Variants in CENPF observed in about 807,000 individuals in gnomAD.
CENPF encodes AH antigen.
In CENPF, 214 loss-of-function variants were observed where a neutral mutation model predicts 307.3. The observed-to-expected ratio is 0.70, with a 90% CI of 0.62 to 0.78. The LOEUF is 0.78. Among genes scored for constraint, CENPF ranks in the 30% least tolerant of loss-of-function variants. The probability of loss-of-function intolerance (pLI) is 0.00; values close to 1 mark genes in which losing one functional copy is unlikely to be tolerated. For missense variants in CENPF, 3,401 were observed against 3,483.9 expected (o/e 0.98, Z 0.60); for synonymous variants, 1,259 against 1,270.6 (o/e 0.99, Z 0.19).
chr1:214,640,145 G>A lies in CENPF; in HGVS notation c.1807G>A (p.Glu603Lys), dbSNP rs767695245. ...GTCCAAAGCCTTGCTGAGTGCTTTA[G>A]AGTTAAAAAAGAAAGAATATGAAGA... ...KESKALLSALELKKKEYEELK... is the reference protein window; with the variant it reads ...KESKALLSALKLKKKEYEELK... Residue 603 changes from glutamate (E) to lysine (K), a missense_variant, in exon 12 of 20, where the codon GAG becomes AAG. Glu to Lys is a moderately conservative substitution (Grantham distance 56, BLOSUM62 1). Coordinates refer to ENST00000366955, the MANE Select transcript of CENPF (RefSeq NM_016343.4). The A allele has an allele frequency of 6.3e-7, 1 of 1,585,048 alleles. No homozygotes were observed. The highest frequency in any genetic ancestry group is 1.4e-5 in the African/African-American group (1 of 72,790).
In CENPF at chr1:214,657,131, A is replaced by G; in HGVS notation, c.8684A>G (p.Gln2895Arg). The change falls in exon 18 of 20, where the codon CAA (glutamine) becomes CGA (arginine). Residue 2895 changes from glutamine (Q) to arginine (R), a missense_variant. Coordinates refer to ENST00000366955, the MANE Select transcript of CENPF (RefSeq NM_016343.4). ...CATCTGTGTTCACAGCAATCTAAAC[A>G]AGATTCCCGAGGGTCTCCTTTGCTA... The part of the protein sequence containing the change: ...VAHLCSQQSK[Q>R]DSRGSPLLGP... The G allele has an allele frequency of 6.2e-7, 1 of 1,614,208 alleles. No homozygotes were observed. The highest frequency in any genetic ancestry group is 8.5e-7 in the Non-Finnish European group (1 of 1,180,024).
intron 9 of CENPF, 124 bp downstream of exon 9, chr1:214,630,786 A>C: frequency 8.3e-7 from 1 of 1,212,014 alleles, no homozygotes; most frequent in Non-Finnish European, 1.1e-6. Context: ...CACTTTCCCT[A>C]TCAAAGTGGA....
At chr1:214,607,906 G>C (rs1319271712) in intron 1 of CENPF, among the ~76,000 whole-genome samples, 1 of 152,190 alleles carries the variant, frequency 6.6e-6, no homozygotes, top group African/African-American at 2.4e-5. Flanking sequence ...CAGGCCTCGG[G>C]ACCTGGATGC....
Position 214,663,715 on chromosome 1 carries a change from G to T in CENPF, c.9266G>T (p.Arg3089Met), listed in dbSNP as rs1658845352. ...SPTDSPREGL[R>M]VKRGRLVPSP... ...ACTGACAGCCCCAGAGAGGGCCTGAGGGTCAAGCGAGGCCGACTTGTCCCC... is the reference window on the plus strand; with the variant it reads ...ACTGACAGCCCCAGAGAGGGCCTGATGGTCAAGCGAGGCCGACTTGTCCCC... The change falls in exon 20 of 20, where the codon AGG (arginine) becomes ATG (methionine). Residue 3089 changes from arginine (R) to methionine (M), a missense_variant. Transcript: ENST00000366955. 1.9e-6 allele frequency: 3 copies of T among 1,613,970 alleles called. No individual in the cohort carries two copies. The highest frequency in any genetic ancestry group is 2.5e-6 in the Non-Finnish European group (3 of 1,180,022).
chr1:214,645,556 A>G lies in CENPF; in HGVS notation c.5986A>G (p.Ser1996Gly), dbSNP rs1420651187. The G allele has an allele frequency of 4.3e-6, 7 of 1,614,050 alleles. No individual in the cohort carries two copies. The highest frequency in any genetic ancestry group is 5.9e-6 in the Non-Finnish European group (7 of 1,180,034). ...EKTQELESHQ[S>G]ECLHCIQVAE... is the part of the protein sequence containing the mutation. ...AACACAAGAGCTTGAGTCTCATCAAAGTGAGTGTCTCCATTGCATTCAGGT... is the reference window on the plus strand; with the variant it reads ...AACACAAGAGCTTGAGTCTCATCAAGGTGAGTGTCTCCATTGCATTCAGGT... Residue 1996 changes from serine (S) to glycine (G), a missense_variant, in exon 13 of 20, where the codon AGT (serine) becomes GGT (glycine). Ser to Gly is a moderately conservative substitution (Grantham distance 56). Coordinates refer to ENST00000366955, the MANE Select transcript of CENPF (RefSeq NM_016343.4).
Position 214,640,095 on chromosome 1 carries a change from A to G in CENPF, c.1757A>G (p.Asp586Gly). Residue 586 changes from aspartate (D) to glycine (G), a missense_variant, in exon 12 of 20, where the codon GAT becomes GGT. Asp to Gly is a moderately conservative substitution (Grantham distance 94). Transcript: ENST00000366955. ...KREHHIEQLNDKLSKTEKESK... is the reference protein window; with the variant it reads ...KREHHIEQLNGKLSKTEKESK... The stretch of plus-strand genomic sequence containing the variant: ...GAACATCACATTGAACAACTTAATG[A>G]TAAGTTAAGCAAGACAGAGAAAGAG... The G allele has an allele frequency of 1.3e-6, 2 of 1,592,990 alleles. No homozygotes were observed. Among genetic ancestry groups the G allele is most frequent in the Non-Finnish European group, 1.7e-6 (2 of 1,174,736 alleles).
rs1348762851 is a variant in CENPF, at chr1:214,659,625, TG to T, written c.9141+598del. Among the ~76,000 whole-genome samples, 1 of 152,224 alleles carries T rather than the reference TG, an allele frequency of 6.6e-6. No individual in the cohort carries two copies. The highest frequency in any genetic ancestry group is 1.5e-5 in the Non-Finnish European group (1 of 68,032). On this transcript the variant is annotated intron_variant, in intron 19 of 19. Coordinates refer to ENST00000366955, the MANE Select transcript of CENPF (RefSeq NM_016343.4). This position sits in a 1 kb window ranked among gnomAD's most constrained non-coding sequence, Gnocchi z 4.4. ...TATTTGCTTAACAGATCTTTATTCC[TG>T]TTACTATGATCCATACCAGCAGCTG...
rs78380413 is a variant in CENPF at position 214,630,416 on chromosome 1, A to G, written c.1195-118A>G. On this transcript the variant is annotated intron_variant, in intron 8 of 19. Transcript: ENST00000366955. ...TCATCGTTAAGTGGACAGTTGGCTC[A>G]GCTCCCTGCTGTCTCCTGTGCTCTC... 2.5e-4 allele frequency: 316 copies of G among 1,242,074 alleles called. 4 individuals are homozygous for G. The African/African-American group carries it at 4.5e-3, about 18-fold the overall frequency. 76.9% of individuals were successfully genotyped at this position (1,242,074 alleles called of 1,614,324 possible).
Position 214,618,504 on chromosome 1 carries a change from G to T in CENPF, c.360-69G>T, listed in dbSNP as rs994334960. 3 of 1,542,804 alleles carry T rather than the reference G, an allele frequency of 1.9e-6. No homozygotes were observed. In the East Asian group the frequency reaches 6.8e-5, roughly 35 times the overall value. ...TGTAAGTTTATTACTCTCTGGGAAT[G>T]TAAGGCATTGATATTCTGTAGCCTT... On this transcript the variant is annotated intron_variant, in intron 3 of 19. Coordinates refer to ENST00000366955, the MANE Select transcript of CENPF (RefSeq NM_016343.4).
chr1:214,620,802 T>G lies in CENPF; in HGVS notation c.721T>G (p.Phe241Val). 6.2e-7 allele frequency: 1 copy of G among 1,614,172 alleles called. No homozygotes were observed. Among genetic ancestry groups the G allele is most frequent in the South Asian group, 1.1e-5 (1 of 91,084 alleles). The change falls in exon 6 of 20, where the codon TTC (phenylalanine) becomes GTC (valine). Residue 241 changes from phenylalanine (F) to valine (V), a missense_variant. Phe to Val is a conservative substitution (Grantham distance 50). Transcript: ENST00000366955. ...TCAAAGAACTCCAATTAGGAGAGAT[T>G]TCTCTGCATCTTACTTTTCTGGGGA... ...NSQRTPIRRDFSASYFSGEQE... is the reference protein window; with the variant it reads ...NSQRTPIRRDVSASYFSGEQE...
chr1:214,620,037 C>T (rs1280485567), intron 5 of CENPF, among the ~76,000 whole-genome samples: 1 of 149,872 alleles, frequency 6.7e-6, no homozygotes, highest in African/African-American at 2.5e-5. Context: ...AACCCTCTTC[C>T]TATGGCAAAA....
chr1:214,617,643 C>T (rs1201286222), intron 3 of CENPF, among the ~76,000 whole-genome samples: 2 of 152,144 alleles, frequency 1.3e-5, no homozygotes, highest in Non-Finnish European at 2.9e-5. Context: ...TTTCTAGATG[C>T]ATTATATTGA....
intron 4 of CENPF, 48 bp downstream of exon 4, chr1:214,618,742 G>C: frequency 1.3e-6 from 2 of 1,546,364 alleles, no homozygotes; most frequent in Non-Finnish European, 1.8e-6. Flanking sequence ...TTTAGCTTGA[G>C]ATTTTAATTC....
rs564295885 is a variant in CENPF, at chr1:214,663,695, C to T, written c.9246C>T (p.Asp3082=). The T allele has an allele frequency of 7.4e-6, 12 of 1,614,092 alleles. No homozygotes were observed. The highest frequency in any genetic ancestry group is 2.2e-5 in the South Asian group (2 of 91,074). The part of the protein sequence containing the change: ...VNNLPERSPT[D]SPREGLRVKR... Reference sequence around the variant, plus strand: ...ATCTTCCTGAGAGAAGTCCGACTGACAGCCCCAGAGAGGGCCTGAGGGTCA... The same window carrying T: ...ATCTTCCTGAGAGAAGTCCGACTGATAGCCCCAGAGAGGGCCTGAGGGTCA... Residue 3082 remains aspartate (D), a synonymous_variant, in exon 20 of 20, where the codon GAC becomes GAT. Transcript: ENST00000366955.
intron 2 of CENPF, among the ~76,000 whole-genome samples, chr1:214,614,463 T>C (rs1657282794): frequency 6.6e-6 from 1 of 152,240 alleles, no homozygotes; most frequent in Non-Finnish European, 1.5e-5. Context: ...TCATTGCTTC[T>C]AAAAGGATTT....
intron 3 of CENPF, among the ~76,000 whole-genome samples, chr1:214,616,295 A>T (rs1004980453): frequency 2.0e-5 from 3 of 152,218 alleles, no homozygotes; most frequent in Non-Finnish European, 4.4e-5. Context: ...GGAAAAGAGA[A>T]TAAGATACGA....
intron 1 of CENPF, among the ~76,000 whole-genome samples, chr1:214,609,949 G>A (rs1271061816): frequency 6.6e-6 from 1 of 151,416 alleles, no homozygotes; most frequent in Admixed American, 6.6e-5. Context: ...TCACTGATGG[G>A]CATTTAGATT....
chr1:214,641,034 T>C lies in CENPF; in HGVS notation c.2696T>C (p.Val899Ala). 1 of 1,566,526 alleles carries C rather than the reference T, an allele frequency of 6.4e-7. No individual in the cohort carries two copies. The highest frequency in any genetic ancestry group is 8.6e-7 in the Non-Finnish European group (1 of 1,164,324). Residue 899 changes from valine to alanine, a missense_variant, in exon 12 of 20, where the codon GTT becomes GCT. Coordinates refer to ENST00000366955, the MANE Select transcript of CENPF (RefSeq NM_016343.4). ...GACACTTCTGCTCACCAGAATGTTG[T>C]TGCTGAAACCTTAAGTGCCCTTGAG... ...QEDTSAHQNV[V>A]AETLSALENK...
chr1:214,658,892 T>A lies in CENPF; in HGVS notation c.9005T>A (p.Leu3002Gln), dbSNP rs762332211. ...IPTGKTSPYI[L>Q]RRTTMATRTS... ...ACAGGAAAGACTAGCCCATATATCC[T>A]GCGAAGAACAACCATGGCAACTCGG... Residue 3002 changes from leucine to glutamine, a missense_variant, in exon 19 of 20, where the codon CTG becomes CAG. Physicochemically the swap from Leu to Gln is moderately radical, Grantham distance 113 (BLOSUM62 -2). Transcript: ENST00000366955. The A allele has an allele frequency of 6.2e-7, 1 of 1,614,116 alleles. No individual in the cohort carries two copies. Among genetic ancestry groups the A allele is most frequent in the East Asian group, 2.2e-5 (1 of 44,884 alleles).
Sources: allele counts gnomAD v4.1 joint callset (sites outside exome capture counted in the v4.1 genomes callset), GRCh38; gene constraint gnomAD v4.1.1; non-coding constraint Gnocchi (gnomAD v3.1); transcripts MANE v1.5; gene names NCBI Gene and HGNC (gene_info 2026-07-23, HGNC 2026-07-21).